Variants in DLG2 observed in about 807,000 individuals in gnomAD.
DLG2 encodes disks large homolog 2.
A neutral mutation model predicts 132.5 loss-of-function variants in DLG2; 45 were observed. The observed-to-expected ratio is 0.34, with a 90% confidence interval of 0.27 to 0.44. The LOEUF is 0.44. Among genes scored for constraint, DLG2 ranks in the 20% least tolerant of loss-of-function variants. DLG2 has a pLI of 1.00. For synonymous variants in DLG2, 424 were observed against 419.6 expected, an observed-to-expected ratio of 1.01 and a Z score of -0.13; for missense variants, 1,045 against 1,196.9, an observed-to-expected ratio of 0.87 and a Z score of 1.87.
intron 6 of DLG2, among the ~76,000 whole-genome samples, chr11:84,572,293 AT>A (rs1232250980): frequency 3.9e-5 from 6 of 152,148 alleles, no homozygotes; most frequent in Non-Finnish European, 5.9e-5. Context: ...GGTGTCTATT[AT>A]CTATCTCTTG....
chr11:84,767,426 T>A (rs2068588387), intron 6 of DLG2, among the ~76,000 whole-genome samples: 1 of 152,036 alleles, frequency 6.6e-6, no homozygotes, highest in Admixed American at 6.6e-5. Flanking sequence ...ACCTCTAATT[T>A]CTTCATTTTT....
rs1377007245 is a variant in DLG2, at chr11:83,850,320, A to AT, written c.1566-16551dup. 3.4e-4 allele frequency among the ~76,000 whole-genome samples: 52 copies of AT among 152,004 alleles called. 1 individual carries two copies. The highest frequency in any genetic ancestry group is 1.0e-3 in the African/African-American group (43 of 41,462). On this transcript the variant is annotated intron_variant, in intron 16 of 27. Coordinates refer to ENST00000376104, the MANE Select transcript of DLG2 (RefSeq NM_001142699.3). ...AGGCATGTGCCACCACTCCCGGCTA[A>AT]TTTTTTGTATTTTTAGTAGAGATGG...
chr11:83,733,915 C>G (rs1224099569), intron 18 of DLG2, among the ~76,000 whole-genome samples: 2 of 152,094 alleles, frequency 1.3e-5, no homozygotes, highest in Admixed American at 1.3e-4. Flanking sequence ...TTCCTCATCC[C>G]TCTCCTACCC....
At chr11:84,030,847 G>C (rs981736807) in intron 11 of DLG2, among the ~76,000 whole-genome samples, 1 of 152,132 alleles carries the variant, frequency 6.6e-6, no homozygotes, top group Non-Finnish European at 1.5e-5. Flanking sequence ...GATATGAGTT[G>C]AGAGGAGGGA....
intron 21 of DLG2, among the ~76,000 whole-genome samples, chr11:83,513,610 A>T (rs1168357300): frequency 6.6e-6 from 1 of 152,162 alleles, no homozygotes; most frequent in East Asian, 1.9e-4. Flanking sequence ...GCCCATGCCT[A>T]TGTCCTGAAT....
At chr11:85,121,112 T>C (rs2074260517) in intron 5 of DLG2, among the ~76,000 whole-genome samples, 1 of 152,008 alleles carries the variant, frequency 6.6e-6, no homozygotes, top group African/African-American at 2.4e-5. Flanking sequence ...ATGATACTGA[T>C]ACACTTTGTT....
At chr11:84,515,003 T>C (rs74327367) in intron 7 of DLG2, among the ~76,000 whole-genome samples, 3,021 of 151,836 alleles carry the variant, frequency 0.02, 93 homozygotes, top group African/African-American at 0.068. Context: ...AACTGTAACA[T>C]TTTAAAATAA....
chr11:84,090,931 T>C (rs778525740), intron 10 of DLG2, among the ~76,000 whole-genome samples: 10 of 152,174 alleles, frequency 6.6e-5, no homozygotes, highest in South Asian at 2.1e-4. Context: ...TTTTTACTGA[T>C]ACAGGGAAAG....
chr11:83,990,898 A>C (rs76700832), intron 11 of DLG2, among the ~76,000 whole-genome samples: 6,589 of 152,114 alleles, frequency 0.043, 418 homozygotes, highest in African/African-American at 0.14. Flanking sequence ...CACAGAATCT[A>C]TCTTGAACCC....
intron 3 of DLG2, among the ~76,000 whole-genome samples, chr11:85,528,428 A>G (rs1353943599): frequency 6.6e-6 from 1 of 152,100 alleles, no homozygotes; most frequent in Non-Finnish European, 1.5e-5. Flanking sequence ...CACAGCAGAA[A>G]AGGTGCTAAA....
chr11:84,325,720 A>AT (rs1259536016), intron 7 of DLG2, among the ~76,000 whole-genome samples: 6 of 151,848 alleles, frequency 4.0e-5, no homozygotes, highest in Non-Finnish European at 7.4e-5. Context: ...TATTTCTGTG[A>AT]TTTTTTTTCT....
intron 3 of DLG2, among the ~76,000 whole-genome samples, chr11:85,502,932 C>T (rs2093838677): frequency 6.6e-6 from 1 of 152,068 alleles, no homozygotes; most frequent in Non-Finnish European, 1.5e-5. Flanking sequence ...CAAATGTCTA[C>T]ACACTCTACA....
At chr11:85,583,057 A>ATAT (rs1555190342) in intron 3 of DLG2, among the ~76,000 whole-genome samples, 4 of 101,634 alleles carry the variant, frequency 3.9e-5, no homozygotes, top group Non-Finnish European at 7.4e-5. Flanking sequence ...GGAAAAAAAA[A>ATAT]ATATATATAT....
At chr11:84,035,419 A>T (rs1040155637) in intron 11 of DLG2, among the ~76,000 whole-genome samples, 1 of 152,240 alleles carries the variant, frequency 6.6e-6, no homozygotes, top group Non-Finnish European at 1.5e-5. Flanking sequence ...GAGGAAAAAT[A>T]AAGCCCTTAA....
chr11:84,801,304 A>T (rs899257113), intron 6 of DLG2, among the ~76,000 whole-genome samples: 1 of 152,056 alleles, frequency 6.6e-6, no homozygotes, highest in African/African-American at 2.4e-5. Context: ...AGGCGCCATG[A>T]CTCACGCCTG....
chr11:85,463,999 C>CACACACACACACACACAT (rs2092699950), intron 3 of DLG2, among the ~76,000 whole-genome samples: 2 of 147,550 alleles, frequency 1.4e-5, no homozygotes, highest in Admixed American at 6.7e-5. Context: ...TACACACACA[C>CACACACACACACACACAT]ACACATACAC....
At chr11:84,755,488 A>C (rs1225099953) in intron 6 of DLG2, among the ~76,000 whole-genome samples, 1 of 152,158 alleles carries the variant, frequency 6.6e-6, no homozygotes, top group African/African-American at 2.4e-5. Flanking sequence ...TAGTGGCACA[A>C]CCTCGGCTCA....
chr11:84,124,738 C>T (rs748717172), intron 9 of DLG2, among the ~76,000 whole-genome samples: 2 of 152,032 alleles, frequency 1.3e-5, no homozygotes, highest in African/African-American at 4.8e-5. Context: ...ATTGAATCTG[C>T]CAAACAAACT....
At chr11:84,105,671 A>G (rs566018622) in intron 9 of DLG2, among the ~76,000 whole-genome samples, 2 of 152,172 alleles carry the variant, frequency 1.3e-5, no homozygotes, top group Non-Finnish European at 2.9e-5. Context: ...ATTAGGTTAT[A>G]GTATTGAAAC....
Sources: gnomAD v4.1 joint callset for allele counts (sites outside exome capture counted in the v4.1 genomes callset) on GRCh38, gnomAD v4.1.1 for gene constraint, MANE v1.5 for transcripts, NCBI Gene and HGNC (gene_info 2026-07-23, HGNC 2026-07-21) for gene names.